SOCS6: variants seen among roughly 807,000 people sequenced by gnomAD.
SOCS6 encodes STAT induced STAT inhibitor-4.
A neutral mutation model predicts 27.7 loss-of-function variants in SOCS6; 5 were observed. That is an observed-to-expected ratio of 0.18 (90% confidence interval 0.09 to 0.38). SOCS6 has a LOEUF of 0.38. SOCS6 is among the 10% of genes least tolerant of loss of function. SOCS6 has a pLI of 1.00. For missense variants in SOCS6, 595 were observed against 688.1 expected, an observed-to-expected ratio of 0.86 and a Z score of 1.51; for synonymous variants, 271 against 260.0, an observed-to-expected ratio of 1.04 and a Z score of -0.41.
At chr18:70,309,193 A>G (rs2146277902) in intron 1 of SOCS6, among the ~76,000 whole-genome samples, 1 of 152,344 alleles carries the variant, frequency 6.6e-6, no homozygotes, top group South Asian at 2.1e-4. Context: ...ATGAACATTG[A>G]AATTTGAATT....
chr18:70,309,038 A>G (rs2062380013), intron 1 of SOCS6, among the ~76,000 whole-genome samples: 1 of 152,188 alleles, frequency 6.6e-6, no homozygotes, highest in Admixed American at 6.5e-5. Context: ...GACATCAGCA[A>G]ACTTTTTCTG....
At chr18:70,296,911 T>TTTTTTC (rs2062326014) in intron 1 of SOCS6, among the ~76,000 whole-genome samples, 1 of 151,304 alleles carries the variant, frequency 6.6e-6, no homozygotes, top group Admixed American at 6.6e-5. Context: ...TCTTTCTTTT[T>TTTTTTC]TTTTTTTCTG....
chr18:70,313,792 A>G (rs1312461845), intron 1 of SOCS6, among the ~76,000 whole-genome samples: 1 of 152,172 alleles, frequency 6.6e-6, no homozygotes, highest in Non-Finnish European at 1.5e-5. Flanking sequence ...TCCTTCAGTT[A>G]GTCTTTTAGA....
At chr18:70,290,516 A>G (rs1010273874) in intron 1 of SOCS6, among the ~76,000 whole-genome samples, 7 of 152,158 alleles carry the variant, frequency 4.6e-5, no homozygotes, top group African/African-American at 1.7e-4. Flanking sequence ...TTCTCCTCCT[A>G]GTGGGTTTTG....
At chr18:70,310,604 G>A (rs1038772735) in intron 1 of SOCS6, among the ~76,000 whole-genome samples, 27 of 150,710 alleles carry the variant, frequency 1.8e-4, no homozygotes, top group Non-Finnish European at 8.9e-5. Flanking sequence ...CACCAAGCCC[G>A]GCCAACCACC....
At chr18:70,308,700 C>T (rs2062378755) in intron 1 of SOCS6, among the ~76,000 whole-genome samples, 2 of 152,088 alleles carry the variant, frequency 1.3e-5, no homozygotes, top group East Asian at 3.9e-4. Flanking sequence ...GTCTGTGTCT[C>T]CTTTCAGTTC....
intron 1 of SOCS6, among the ~76,000 whole-genome samples, chr18:70,319,295 A>G (rs988459970): frequency 1.3e-5 from 2 of 152,210 alleles, no homozygotes; most frequent in Non-Finnish European, 2.9e-5. Context: ...GAAATTGACA[A>G]TGCAGCTTAT....
intron 1 of SOCS6, among the ~76,000 whole-genome samples, chr18:70,291,729 A>G (rs2062300339): frequency 6.6e-6 from 1 of 152,212 alleles, no homozygotes; most frequent in Non-Finnish European, 1.5e-5. Context: ...TTCTCTTAAA[A>G]ATATGCACTC....
intron 1 of SOCS6, among the ~76,000 whole-genome samples, chr18:70,310,468 G>GTTT (rs1306876861): frequency 6.1e-4 from 64 of 104,590 alleles, no homozygotes; most frequent in Non-Finnish European, 7.9e-4. Context: ...TTTTTGTGGG[G>GTTT]TTTTTTTTTT....
intron 1 of SOCS6, among the ~76,000 whole-genome samples, chr18:70,289,873 C>T (rs969022371): frequency 1.3e-5 from 2 of 152,176 alleles, no homozygotes; most frequent in African/African-American, 4.8e-5. Flanking sequence ...TTCAGGTACA[C>T]CCTTGTGGCT....
At chr18:70,296,992 A>G (rs1346537771) in intron 1 of SOCS6, among the ~76,000 whole-genome samples, 1 of 112,446 alleles carries the variant, frequency 8.9e-6, no homozygotes, top group Non-Finnish European at 1.8e-5. Flanking sequence ...TTTTTTCTCC[A>G]TTTTTCTTGT....
At chr18:70,321,511 T>C (rs2146294501) in intron 1 of SOCS6, among the ~76,000 whole-genome samples, 1 of 148,780 alleles carries the variant, frequency 6.7e-6, no homozygotes, top group African/African-American at 2.5e-5. Flanking sequence ...TTTTTGTATT[T>C]TTAGTAGAGA....
intron 1 of SOCS6, among the ~76,000 whole-genome samples, chr18:70,312,364 A>G (rs1442513146): frequency 6.6e-6 from 1 of 152,116 alleles, no homozygotes; most frequent in Non-Finnish European, 1.5e-5. Context: ...ATTGTTGTCC[A>G]TATGTCTTTG....
chr18:70,297,141 C>T (rs2062327842), intron 1 of SOCS6, among the ~76,000 whole-genome samples: 1 of 152,020 alleles, frequency 6.6e-6, no homozygotes, highest in Non-Finnish European at 1.5e-5. Context: ...CAAATAGCAT[C>T]CGCCTCTCAG....
chr18:70,299,157 A>G (rs1405933188), intron 1 of SOCS6, among the ~76,000 whole-genome samples: 1 of 152,032 alleles, frequency 6.6e-6, no homozygotes, highest in African/African-American at 2.4e-5. Context: ...CCAACATTTC[A>G]GTTAATTCAG....
chr18:70,321,400 A>C (rs963999849), intron 1 of SOCS6, among the ~76,000 whole-genome samples: 2 of 131,870 alleles, frequency 1.5e-5, no homozygotes, highest in Admixed American at 2.0e-4. Context: ...GGCTCACTGC[A>C]ACCTCTGCCT....
chr18:70,325,254 T>C lies in SOCS6; in HGVS notation c.586T>C (p.Ser196Pro). The C allele has an allele frequency of 6.2e-7, 1 of 1,614,186 alleles. No homozygotes were observed. The highest frequency in any genetic ancestry group is 8.5e-7 in the Non-Finnish European group (1 of 1,180,024). ...EQANSLKSSA[S>P]HNGDLHLHLD... ...AGCCAATTCACTGAAGAGCTCGGCT[T>C]CTCATAATGGAGACCTGCATCTTCA... is the stretch of plus-strand genomic sequence containing the variant. The change falls in exon 2 of 2, where the codon TCT (serine) becomes CCT (proline). Residue 196 changes from serine to proline, a missense_variant. By Grantham distance (74) the Ser-to-Pro change is moderately conservative. Coordinates refer to ENST00000397942, the MANE Select transcript of SOCS6 (RefSeq NM_004232.4). The surrounding 1 kb of genome is among the most constrained non-coding windows in gnomAD (Gnocchi z 6.3).
chr18:70,297,036 G>A (rs933451827), intron 1 of SOCS6, among the ~76,000 whole-genome samples: 9 of 150,748 alleles, frequency 6.0e-5, no homozygotes, highest in African/African-American at 2.2e-4. Context: ...GTTCTTTGGA[G>A]GGGAGTTCCC....
At chr18:70,306,937 T>C (rs751772670) in intron 1 of SOCS6, among the ~76,000 whole-genome samples, 6 of 152,154 alleles carry the variant, frequency 3.9e-5, no homozygotes, top group African/African-American at 9.7e-5. Context: ...ATGCTTTTTA[T>C]ATGTTGCTGA....
Sources: gnomAD v4.1 joint callset for allele counts (sites outside exome capture counted in the v4.1 genomes callset) on GRCh38, gnomAD v4.1.1 for gene constraint, Gnocchi (gnomAD v3.1) non-coding constraint, MANE v1.5 for transcripts, NCBI Gene and HGNC (gene_info 2026-07-23, HGNC 2026-07-21) for gene names.